Variants in CTNNA2 observed in about 807,000 individuals in gnomAD.
CTNNA2 encodes catenin alpha 2, also known as catenin alpha-2.
CTNNA2 carries 42 observed loss-of-function variants against 101.0 expected under a neutral mutation model. The ratio of observed to expected loss-of-function variants is 0.42; its 90% CI spans 0.32 to 0.54. CTNNA2 has a LOEUF of 0.54. Ranked by LOEUF, CTNNA2 falls within the 20% of genes least tolerant of loss-of-function variation. CTNNA2 has a pLI of 0.14. For synonymous variants in CTNNA2, 450 were observed against 456.4 expected (o/e 0.99, Z 0.18); for missense variants, 871 against 1,223.1 (o/e 0.71, Z 4.29).
chr2:80,302,273 G>C lies in CTNNA2; in HGVS notation c.1057-90938G>C. The C allele has an allele frequency of 6.2e-7, 1 of 1,613,820 alleles. No individual in the cohort carries two copies. Among genetic ancestry groups the C allele is most frequent in the Non-Finnish European group, 8.5e-7 (1 of 1,179,848 alleles). Reference sequence around the variant, plus strand: ...CAATCACACCTCGCATTCCCTCGCGGGCTGCTGGTGGCAGGTACACGAGCC... The same window carrying C: ...CAATCACACCTCGCATTCCCTCGCGCGCTGCTGGTGGCAGGTACACGAGCC... On this transcript the variant is annotated intron_variant, in intron 7 of 18. Transcript: ENST00000402739. This position sits in a 1 kb window ranked among gnomAD's most constrained non-coding sequence, Gnocchi z 6.4.
At chr2:80,378,551 A>T (rs1676203830) in intron 7 of CTNNA2, 1 of 152,112 alleles carries the variant, frequency 6.6e-6, no homozygotes, top group Non-Finnish European at 1.5e-5. Context: ...ATATATGATT[A>T]ACAAATGCAT....
chr2:79,245,232 C>T (rs920725098), intron 2 of CTNNA2, among the ~76,000 whole-genome samples: 5 of 152,176 alleles, frequency 3.3e-5, no homozygotes, highest in Non-Finnish European at 7.3e-5. Context: ...GGGCAGATCA[C>T]CTGAGGTCCA....
chr2:80,640,621 C>T lies in CTNNA2; in HGVS notation c.2575-6964C>T, dbSNP rs529114455. The stretch of plus-strand genomic sequence containing the variant: ...CGCAGGTATTTCAAGATATTTCAAA[C>T]ATGTCACAGTTTCTAAGGACATCAA... On this transcript the variant is annotated intron_variant, in intron 18 of 18. Coordinates refer to ENST00000402739, the MANE Select transcript of CTNNA2 (RefSeq NM_001282597.3). Among the ~76,000 whole-genome samples, 7 of 152,302 alleles carry T rather than the reference C, an allele frequency of 4.6e-5. No individual in the cohort carries two copies. In the South Asian group the frequency reaches 1.5e-3, roughly 32 times the overall value.
intron 3 of CTNNA2, among the ~76,000 whole-genome samples, chr2:79,756,328 T>G (rs1373833536): frequency 6.6e-6 from 1 of 152,234 alleles, no homozygotes; most frequent in African/African-American, 2.4e-5. Context: ...AATATGACAC[T>G]GATACTGATA....
intron 4 of CTNNA2, among the ~76,000 whole-genome samples, chr2:79,424,460 T>C (rs1193640379): frequency 6.6e-6 from 1 of 152,106 alleles, no homozygotes; most frequent in Non-Finnish European, 1.5e-5. Context: ...CATCTTTCAG[T>C]GAAGTGAAAT....
intron 4 of CTNNA2, among the ~76,000 whole-genome samples, chr2:79,457,410 T>C (rs6734164): frequency 0.039 from 5,906 of 152,154 alleles, 369 homozygotes; most frequent in African/African-American, 0.13. Flanking sequence ...GTGTGACCTG[T>C]TACATTTTTC....
intron 7 of CTNNA2, among the ~76,000 whole-genome samples, chr2:80,007,341 T>G (rs1274240601): frequency 1.3e-5 from 2 of 152,214 alleles, no homozygotes; most frequent in Non-Finnish European, 2.9e-5. Flanking sequence ...ATCAAAACTT[T>G]ATTACTACTC....
At position 79,623,928 on chromosome 2, in the gene CTNNA2, T is replaced by C. The variant is rs571781048; in HGVS notation, c.-5-27624T>C. ...TCTCAGACTCATACTGAGTAGTAGC[T>C]CTGTAACTTGACTTAAATCATTTGC... On this transcript the variant is annotated intron_variant, in intron 1 of 18. Transcript: ENST00000402739. Among the ~76,000 whole-genome samples, 28 of 152,288 alleles carry C rather than the reference T, an allele frequency of 1.8e-4. 1 individual carries two copies. The highest frequency in any genetic ancestry group is 6.7e-4 in the African/African-American group (28 of 41,558).
intron 7 of CTNNA2, among the ~76,000 whole-genome samples, chr2:80,130,409 G>A (rs1338645887): frequency 6.6e-6 from 1 of 152,098 alleles, no homozygotes; most frequent in South Asian, 2.1e-4. Context: ...TCATGAGTGG[G>A]AGAAAAAGAG....
intron 9 of CTNNA2, among the ~76,000 whole-genome samples, chr2:80,452,976 G>T (rs1683644625): frequency 6.6e-6 from 1 of 152,072 alleles, no homozygotes. Flanking sequence ...AAAGGCTGGG[G>T]TGCCTTCTAG....
chr2:80,442,968 A>C (rs377287120), intron 9 of CTNNA2, among the ~76,000 whole-genome samples: 1 of 152,180 alleles, frequency 6.6e-6, no homozygotes, highest in South Asian at 2.1e-4. Context: ...AGAGTCTAGC[A>C]GTGAGAGGGG....
intron 3 of CTNNA2, among the ~76,000 whole-genome samples, chr2:79,847,323 T>A (rs1401619059): frequency 6.6e-6 from 1 of 151,946 alleles, no homozygotes; most frequent in Non-Finnish European, 1.5e-5. Flanking sequence ...GGCGAGTGGA[T>A]CACAAGGTCA....
intron 1 of CTNNA2, among the ~76,000 whole-genome samples, chr2:79,537,703 T>G (rs991288341): frequency 3.9e-5 from 6 of 152,178 alleles, no homozygotes; most frequent in African/African-American, 1.4e-4. Flanking sequence ...TCAGAACCAC[T>G]TTTACCTTTA....
At chr2:79,589,020 A>G (rs956054690) in intron 1 of CTNNA2, among the ~76,000 whole-genome samples, 11 of 152,232 alleles carry the variant, frequency 7.2e-5, no homozygotes, top group African/African-American at 2.2e-4. Flanking sequence ...TGCTCAATAC[A>G]TGTTATCAGT....
intron 7 of CTNNA2, among the ~76,000 whole-genome samples, chr2:80,145,049 C>A (rs375603622): frequency 6.6e-6 from 1 of 152,172 alleles, no homozygotes; most frequent in African/African-American, 2.4e-5. Context: ...AACCACTGCT[C>A]TCTGTCAATC....
rs559500113 is a variant in CTNNA2 at position 79,489,246 on chromosome 2, T to C, written c.-134-15808T>C. Among the ~76,000 whole-genome samples, 71 of 152,334 alleles carry C rather than the reference T, an allele frequency of 4.7e-4. 2 individuals carry two copies. In the South Asian group the frequency reaches 0.014, roughly 31 times the overall value. Reference sequence around the variant, plus strand: ...TCTATAAGAATGGTATGGTAACTGATATCAAATTTTTCCTTTGCTAATTTT... The same window carrying C: ...TCTATAAGAATGGTATGGTAACTGACATCAAATTTTTCCTTTGCTAATTTT... On this transcript the variant is annotated intron_variant, in intron 4 of 21. Coordinates refer to the CTNNA2 transcript ENST00000466387.
At chr2:80,466,670 T>C (rs1572960346) in intron 9 of CTNNA2, among the ~76,000 whole-genome samples, 1 of 152,210 alleles carries the variant, frequency 6.6e-6, no homozygotes, top group African/African-American at 2.4e-5. Context: ...CTACATTTGA[T>C]TGATACATGA....
chr2:79,953,042 A>G (rs1205126740), intron 7 of CTNNA2, among the ~76,000 whole-genome samples: 2 of 152,170 alleles, frequency 1.3e-5, no homozygotes, highest in Non-Finnish European at 2.9e-5. Context: ...CTATGAATGA[A>G]GATAATCCCT....
At chr2:79,334,154 T>C (rs1676938453) in intron 3 of CTNNA2, among the ~76,000 whole-genome samples, 1 of 152,192 alleles carries the variant, frequency 6.6e-6, no homozygotes, top group Non-Finnish European at 1.5e-5. Context: ...ATAGTCACTC[T>C]ATAGCGCTGC....
Sources: gnomAD v4.1 joint callset for allele counts (sites outside exome capture counted in the v4.1 genomes callset) on GRCh38, gnomAD v4.1.1 for gene constraint, Gnocchi (gnomAD v3.1) non-coding constraint, MANE v1.5 for transcripts, NCBI Gene and HGNC (gene_info 2026-07-23, HGNC 2026-07-21) for gene names.